The following NEK5 variants were observed in gnomAD, a reference collection of about 807,000 sequenced individuals.
The protein encoded by NEK5 is NIMA related kinase 5, also known as serine/threonine-protein kinase Nek5.
NEK5 carries 88 observed loss-of-function variants against 109.2 expected under a neutral mutation model. The observed-to-expected ratio is 0.81, with a 90% CI of 0.68 to 0.96. The LOEUF is 0.96. NEK5 is among the 40% of genes least tolerant of loss of function. NEK5 has a pLI of 0.00. For missense variants in NEK5, 834 were observed against 920.7 expected, an observed-to-expected ratio of 0.91 and a Z score of 1.22; for synonymous variants, 283 against 299.9, an observed-to-expected ratio of 0.94 and a Z score of 0.58.
At chr13:52,079,573 A>T (rs1214310841) in intron 17 of NEK5, among the ~76,000 whole-genome samples, 4 of 152,276 alleles carry the variant, frequency 2.6e-5, no homozygotes, top group Admixed American at 6.5e-5. Context: ...AGGTGCCGGG[A>T]TTGCAGACGG....
intron 17 of NEK5, among the ~76,000 whole-genome samples, chr13:52,078,776 T>G (rs1954914703): frequency 6.6e-6 from 1 of 152,172 alleles, no homozygotes; most frequent in South Asian, 2.1e-4. Flanking sequence ...CTGGAGAGCT[T>G]GACAGCACAC....
At chr13:52,090,213 CT>C (rs1038735940) in intron 13 of NEK5, among the ~76,000 whole-genome samples, 1 of 151,910 alleles carries the variant, frequency 6.6e-6, no homozygotes, top group Non-Finnish European at 1.5e-5. Flanking sequence ...TTTTATGTAT[CT>C]TTTTTTTGGC....
intron 3 of NEK5, among the ~76,000 whole-genome samples, chr13:52,125,647 A>G (rs899030623): frequency 3.9e-5 from 6 of 152,240 alleles, no homozygotes; most frequent in African/African-American, 1.4e-4. Context: ...CCAGGGGTAG[A>G]GACAGAGATT....
intron 5 of NEK5, among the ~76,000 whole-genome samples, chr13:52,111,984 A>T (rs991353302): frequency 1.3e-5 from 2 of 152,126 alleles, no homozygotes; most frequent in Admixed American, 1.3e-4. Flanking sequence ...ATTTTTTTTT[A>T]ACCATGAAGA....
chr13:52,097,353 G>A (rs1009325794), intron 12 of NEK5, among the ~76,000 whole-genome samples: 2 of 152,216 alleles, frequency 1.3e-5, no homozygotes, highest in Non-Finnish European at 2.9e-5. Context: ...TGGAAAAGCC[G>A]CAGACACTCA....
At chr13:52,101,595 C>T (rs532750963) in intron 11 of NEK5, among the ~76,000 whole-genome samples, 3 of 152,250 alleles carry the variant, frequency 2.0e-5, no homozygotes, top group Admixed American at 2.0e-4. Context: ...ATCTCATCAT[C>T]CATGTCTATC....
intron 7 of NEK5, among the ~76,000 whole-genome samples, chr13:52,109,592 G>A (rs1490551502): frequency 6.6e-6 from 1 of 151,908 alleles, no homozygotes; most frequent in Admixed American, 6.6e-5. Context: ...TAAGAGTCTG[G>A]CACCTTTTTA....
intron 17 of NEK5, among the ~76,000 whole-genome samples, chr13:52,080,060 C>G (rs79239392): frequency 0.054 from 8,108 of 151,390 alleles, 280 homozygotes; most frequent in Admixed American, 0.1. Flanking sequence ...GCCCCTCCGC[C>G]CGGCAGCCGC....
At chr13:52,060,191 A>T (rs1015909382) in intron 22 of NEK5, among the ~76,000 whole-genome samples, 1 of 152,106 alleles carries the variant, frequency 6.6e-6, no homozygotes, top group Non-Finnish European at 1.5e-5. Context: ...CTTCAGAGAA[A>T]CAAAGATACT....
intron 21 of NEK5, among the ~76,000 whole-genome samples, chr13:52,064,162 G>A (rs1226959708): frequency 1.0e-4 from 13 of 129,632 alleles, no homozygotes; most frequent in African/African-American, 1.2e-4. Context: ...CAGCCGCCCT[G>A]TCCGGGAGGG....
chr13:52,102,998 T>TAACA (rs1955572702), intron 9 of NEK5, among the ~76,000 whole-genome samples: 1 of 152,188 alleles, frequency 6.6e-6, no homozygotes, highest in Non-Finnish European at 1.5e-5. Context: ...GATATGAAAT[T>TAACA]TTATCTCTTG....
At chr13:52,123,968 C>A (rs997210868) in intron 3 of NEK5, among the ~76,000 whole-genome samples, 11 of 152,026 alleles carry the variant, frequency 7.2e-5, no homozygotes, top group African/African-American at 2.2e-4. Flanking sequence ...AGTTTTGGAG[C>A]AAATCAGAGA....
Position 52,072,059 on chromosome 13 carries a change from T to C in NEK5, c.1734A>G (p.Ile578Met). 1 of 1,611,420 alleles carries C rather than the reference T, an allele frequency of 6.2e-7. No individual in the cohort carries two copies. The highest frequency in any genetic ancestry group is 8.5e-7 in the Non-Finnish European group (1 of 1,177,848). ...CCTCAAAGGTCAAAGTTTCATTTGG[T>C]ATATCCATTGCCTAAATCAATTCCA... is the stretch of plus-strand genomic sequence containing the variant. ...NILQEEEAMD[I>M]PNETLTFEDG... Residue 578 changes from isoleucine to methionine, a missense_variant, in exon 20 of 24, where the codon ATA (isoleucine) becomes ATG (methionine). Ile to Met is a conservative substitution (Grantham distance 10). Coordinates refer to ENST00000684899, the MANE Select transcript of NEK5 (RefSeq NM_001365552.1).
intron 13 of NEK5, among the ~76,000 whole-genome samples, chr13:52,089,624 G>A (rs1239738213): frequency 2.0e-5 from 3 of 152,164 alleles, no homozygotes; most frequent in African/African-American, 7.2e-5. Flanking sequence ...TTGTGGGGAG[G>A]AAAACAGACC....
Position 52,105,238 on chromosome 13 carries a change from AGTGTGTGT to A in NEK5, c.555-694_555-687del, listed in dbSNP as rs5803594. On this transcript the variant is annotated intron_variant, in intron 8 of 23. Transcript: ENST00000684899. ...CTCTAGCAGCAATGCTTTGTGCATG[AGTGTGTGT>A]GTGTGTGTGTGTGTGTGTGTGTGTG... 5.1e-3 allele frequency among the ~76,000 whole-genome samples: 752 copies of A among 148,214 alleles called. 3 individuals are homozygous for A. The highest frequency in any genetic ancestry group is 0.014 in the Middle Eastern group (4 of 286).
chr13:52,089,841 C>T (rs943974573), intron 13 of NEK5, among the ~76,000 whole-genome samples: 10 of 151,758 alleles, frequency 6.6e-5, no homozygotes, highest in African/African-American at 2.4e-4. Flanking sequence ...ATTAGTGGGG[C>T]GTGGTGGTGG....
rs1024239610 is a variant in NEK5 at position 52,122,707 on chromosome 13, C to G, written c.118-3292G>C. Among the ~76,000 whole-genome samples the G allele has an allele frequency of 1.1e-4, 16 of 151,872 alleles. No homozygotes were observed. The South Asian group carries it at 1.5e-3, about 14-fold the overall frequency. Reference sequence around the variant, plus strand: ...GTTTGAACCTGGGAGGCAGAGATTGCAGTGAGCAGAGATCACGCCACTGCA... The same window carrying G: ...GTTTGAACCTGGGAGGCAGAGATTGGAGTGAGCAGAGATCACGCCACTGCA... On this transcript the variant is annotated intron_variant, in intron 3 of 23. Coordinates refer to ENST00000684899, the MANE Select transcript of NEK5 (RefSeq NM_001365552.1).
chr13:52,088,101 T>G (rs967032156), intron 14 of NEK5, among the ~76,000 whole-genome samples: 1 of 150,874 alleles, frequency 6.6e-6, no homozygotes, highest in African/African-American at 2.4e-5. Context: ...GTAATTTTTG[T>G]TTTTTTTGGT....
chr13:52,063,490 G>A (rs1490156301), intron 21 of NEK5, among the ~76,000 whole-genome samples: 3 of 151,866 alleles, frequency 2.0e-5, no homozygotes, highest in Non-Finnish European at 4.4e-5. Context: ...CTGCCCGGCC[G>A]CCACCCCGTC....
Sources: gnomAD v4.1 joint callset for allele counts (sites outside exome capture counted in the v4.1 genomes callset) on GRCh38, gnomAD v4.1.1 for gene constraint, MANE v1.5 for transcripts, NCBI Gene and HGNC (gene_info 2026-07-23, HGNC 2026-07-21) for gene names.